The following NFX1 variants were observed in gnomAD, a reference collection of about 807,000 sequenced individuals.
NFX1 encodes nuclear transcription factor, X-box binding 1, also known as transcriptional repressor NF-X1.
NFX1 carries 69 observed loss-of-function variants against 137.2 expected under a neutral mutation model. That is an observed-to-expected ratio of 0.50 (90% confidence interval 0.41 to 0.61). The LOEUF (loss-of-function observed/expected upper bound fraction) is 0.61, where lower values mean the gene tolerates loss of function less well. Ranked by LOEUF, NFX1 falls within the 20% of genes least tolerant of loss-of-function variation. The probability of loss-of-function intolerance (pLI) is 0.00; values close to 1 mark genes in which losing one functional copy is unlikely to be tolerated. For synonymous variants in NFX1, 495 were observed against 474.1 expected (o/e 1.04, Z -0.57); for missense variants, 1,167 against 1,391.0 (o/e 0.84, Z 2.56).
intron 9 of NFX1, among the ~76,000 whole-genome samples, chr9:33,326,116 T>G (rs1421059205): frequency 6.6e-6 from 1 of 151,702 alleles, no homozygotes; most frequent in Non-Finnish European, 1.5e-5. Flanking sequence ...AGTGGTAAAT[T>G]TTGTATAAGA....
chr9:33,315,321 G>A (rs1325083194), intron 7 of NFX1, among the ~76,000 whole-genome samples: 1 of 152,056 alleles, frequency 6.6e-6, no homozygotes, highest in Non-Finnish European at 1.5e-5. Flanking sequence ...CAGTTACCCA[G>A]TCGCTGATTA....
chr9:33,314,247 A>G (rs535754579), intron 7 of NFX1, among the ~76,000 whole-genome samples: 1 of 152,230 alleles, frequency 6.6e-6, no homozygotes, highest in East Asian at 1.9e-4. Flanking sequence ...GGCCTCCCAA[A>G]GTGCTGGGAT....
At chr9:33,327,303 G>T (rs1004593769) in intron 9 of NFX1, among the ~76,000 whole-genome samples, 2 of 152,162 alleles carry the variant, frequency 1.3e-5, no homozygotes, top group Admixed American at 6.5e-5. Flanking sequence ...GGGATTACAG[G>T]CATGAGCCAC....
At chr9:33,366,213 G>T (rs1406323812) in intron 21 of NFX1, among the ~76,000 whole-genome samples, 1 of 152,070 alleles carries the variant, frequency 6.6e-6, no homozygotes, top group Non-Finnish European at 1.5e-5. Flanking sequence ...CTCTGCTTGT[G>T]TGTCTGTATC....
At chr9:33,325,395 G>C (rs1275933220) in intron 9 of NFX1, among the ~76,000 whole-genome samples, 1 of 141,364 alleles carries the variant, frequency 7.1e-6, no homozygotes, top group African/African-American at 2.5e-5. Context: ...CGGGCGCGGT[G>C]GCTCACGCCT....
rs1366380849 is a variant in NFX1 at position 33,318,777 on chromosome 9, T to C, written c.1635T>C (p.Asp545=). The C allele has an allele frequency of 6.2e-7, 1 of 1,614,190 alleles. No individual in the cohort carries two copies. Among genetic ancestry groups the C allele is most frequent in the Non-Finnish European group, 8.5e-7 (1 of 1,180,028 alleles). ...STSRDVLCGT[D]VGKSDGFGDF... ...CCCGAGATGTGTTATGTGGAACCGA[T>C]GTAGGAAAGTCTGATGGATTTGGGG... The change falls in exon 8 of 24, where the codon GAT becomes GAC. Residue 545 remains aspartate (D), a synonymous_variant. Transcript: ENST00000379540.
At chr9:33,366,980 A>T (rs1272862384) in intron 22 of NFX1, among the ~76,000 whole-genome samples, 1 of 152,244 alleles carries the variant, frequency 6.6e-6, no homozygotes, top group African/African-American at 2.4e-5. Flanking sequence ...GGGCAGATGC[A>T]CTCAAAATGC....
intron 4 of NFX1, among the ~76,000 whole-genome samples, chr9:33,306,853 G>A (rs1166071561): frequency 2.6e-5 from 4 of 151,870 alleles, no homozygotes; most frequent in Non-Finnish European, 4.4e-5. Flanking sequence ...GCAGCAATTC[G>A]CATATCAGTT....
chr9:33,338,131 G>A (rs1823079755), intron 11 of NFX1, among the ~76,000 whole-genome samples: 1 of 151,494 alleles, frequency 6.6e-6, no homozygotes, highest in East Asian at 1.9e-4. Context: ...ATGGGAGGTG[G>A]ATCACCTGAG....
intron 9 of NFX1, among the ~76,000 whole-genome samples, chr9:33,324,309 G>T (rs1822497917): frequency 6.6e-6 from 1 of 152,146 alleles, no homozygotes; most frequent in Non-Finnish European, 1.5e-5. Context: ...AACCCAGTAG[G>T]CGGAGGTTGC....
At chr9:33,332,742 A>G in intron 11 of NFX1, 2 of 411,594 alleles carry the variant, frequency 4.9e-6, no homozygotes, top group Non-Finnish European at 8.9e-6. Flanking sequence ...TTAAAAAAGA[A>G]AATTAGTGGG....
At chr9:33,350,053 C>T (rs1026607313) in intron 15 of NFX1, among the ~76,000 whole-genome samples, 1 of 152,020 alleles carries the variant, frequency 6.6e-6, no homozygotes, top group Admixed American at 6.6e-5. Context: ...CCTGTAATCC[C>T]AACACTTTGA....
Position 33,370,346 on chromosome 9 carries a change from CA to C in NFX1, c.*369del. 1 of 167,382 alleles carries C rather than the reference CA, an allele frequency of 6.0e-6. No individual in the cohort carries two copies. The highest frequency in any genetic ancestry group is 2.4e-5 in the African/African-American group (1 of 42,178). 10.4% of individuals were successfully genotyped at this position (167,382 alleles called of 1,614,324 possible). On this transcript the variant is annotated 3_prime_UTR_variant, in exon 24 of 24. Transcript: ENST00000379540. ...CACTAAGTCATAGCCTCAGTTGTCCCAGTTATTTGTCCTCCTGAAAATGCCT... is the reference window on the plus strand; with the variant it reads ...CACTAAGTCATAGCCTCAGTTGTCCCGTTATTTGTCCTCCTGAAAATGCCT...
At chr9:33,353,070 A>T (rs1326363325) in intron 17 of NFX1, among the ~76,000 whole-genome samples, 1 of 152,212 alleles carries the variant, frequency 6.6e-6, no homozygotes, top group Admixed American at 6.5e-5. Flanking sequence ...CATTTTTAAA[A>T]ATCTGGTTTC....
At chr9:33,363,484 A>G (rs920641608) in intron 19 of NFX1, among the ~76,000 whole-genome samples, 1 of 151,896 alleles carries the variant, frequency 6.6e-6, no homozygotes, top group Non-Finnish European at 1.5e-5. Flanking sequence ...GGGTTTCACC[A>G]TATTGGCCAG....
intron 11 of NFX1, among the ~76,000 whole-genome samples, chr9:33,337,768 G>GCCGGGCATGGTGGTTCACA (rs1823060881): frequency 6.6e-6 from 1 of 151,766 alleles, no homozygotes; most frequent in Non-Finnish European, 1.5e-5. Flanking sequence ...AAAACTGATG[G>GCCGGGCATGGTGGTTCACA]CCGGGCATGG....
intron 6 of NFX1, 61 bp from the exon 7 acceptor site, chr9:33,313,593 G>A (rs1822044323): frequency 6.3e-7 from 1 of 1,576,088 alleles, no homozygotes. Context: ...CGCAGTGTTA[G>A]TTTGGTTGTC....
At chr9:33,337,861 C>A (rs1326434759) in intron 11 of NFX1, among the ~76,000 whole-genome samples, 2 of 152,112 alleles carry the variant, frequency 1.3e-5, no homozygotes, top group African/African-American at 4.8e-5. Flanking sequence ...CCAGCCTGGC[C>A]AACATGGCGA....
Position 33,313,805 on chromosome 9 carries a change from G to A in NFX1, c.1588+12G>A. The A allele has an allele frequency of 6.2e-7, 1 of 1,609,440 alleles. No individual in the cohort carries two copies. Among genetic ancestry groups the A allele is most frequent in the Non-Finnish European group, 8.5e-7 (1 of 1,176,588 alleles). ...CATTTTGAACCAGGGTAAGTGGTGG[G>A]CACACCAGCTAGCAATGCTTGTGTT... On this transcript the variant is annotated intron_variant, in intron 7 of 23. Transcript: ENST00000379540.
Sources: gnomAD v4.1 joint callset for allele counts (sites outside exome capture counted in the v4.1 genomes callset) on GRCh38, gnomAD v4.1.1 for gene constraint, MANE v1.5 for transcripts, NCBI Gene and HGNC (gene_info 2026-07-23, HGNC 2026-07-21) for gene names.